DOC2A: variants seen among roughly 807,000 people sequenced by gnomAD.
DOC2A encodes the protein double C2 domain alpha.
Under a neutral mutation model 40.6 loss-of-function variants are expected in DOC2A, and 28 were observed. The observed-to-expected ratio is 0.69, with a 90% CI of 0.51 to 0.95. The LOEUF is 0.95. Among genes scored for constraint, DOC2A ranks in the 40% least tolerant of loss-of-function variants. The pLI is 0.00. For synonymous variants in DOC2A, 241 were observed against 236.9 expected (o/e 1.02, Z -0.16); for missense variants, 474 against 552.5 (o/e 0.86, Z 1.42).
chr16:30,008,906 G>C (rs376413873), intron 5 of DOC2A, 90 bp downstream of exon 5: 1 of 906,992 alleles, frequency 1.1e-6, no homozygotes, highest in South Asian at 1.3e-5. Flanking sequence ...AGAGAGGTAC[G>C]GGCTTAATGG....
chr16:30,017,962 GA>G (rs113271952), intron 1 of DOC2A, among the ~76,000 whole-genome samples: 22,909 of 92,602 alleles, frequency 0.25, 4,183 homozygotes, highest in African/African-American at 0.55. Context: ...TCTGTCTCCG[GA>G]AAAAAAAAAA....
upstream of DOC2A, among the ~76,000 whole-genome samples, chr16:30,016,146 A>G (rs1302469268): frequency 7.9e-6 from 1 of 127,206 alleles, no homozygotes; most frequent in Admixed American, 8.8e-5. Flanking sequence ...TGCAACCTCC[A>G]CCTCCCAGGT....
Position 30,006,360 on chromosome 16 carries a change from C to A in DOC2A, c.1058-29G>T. The stretch of plus-strand genomic sequence containing the variant: ...GGGAGCAGGTGGGCAGGGTCAGGGC[C>A]ACCTCCCTGCCACTTGCCCGCCCTC... On this transcript the variant is annotated intron_variant, in intron 10 of 10. Transcript: ENST00000350119. This position sits in a 1 kb window ranked among gnomAD's most constrained non-coding sequence, Gnocchi z 6.2. The A allele has an allele frequency of 3.1e-6, 5 of 1,612,716 alleles. No individual in the cohort carries two copies. The highest frequency in any genetic ancestry group is 4.2e-6 in the Non-Finnish European group (5 of 1,179,814).
rs778711572 is a variant in DOC2A, at chr16:30,006,224, C to T, written c.1165G>A (p.Glu389Lys). The T allele has an allele frequency of 1.3e-6, 2 of 1,591,476 alleles. No individual in the cohort carries two copies. Among genetic ancestry groups the T allele is most frequent in the South Asian group, 1.1e-5 (1 of 88,500 alleles). ...AGAGCCCCGGCCGCAGGGGGCAGCT[C>T]ACTGGTCAGGGTGTGCCAGCGCTCC... The part of the protein sequence containing the change: ...ALERWHTLTS[E>K]LPPAAGALSS... Residue 389 changes from glutamate (E) to lysine (K), a missense_variant, in exon 11 of 11, where the codon GAG becomes AAG. Coordinates refer to ENST00000350119, the MANE Select transcript of DOC2A (RefSeq NM_003586.3). The surrounding 1 kb of genome is among the most constrained non-coding windows in gnomAD (Gnocchi z 6.2).
chr16:30,010,293 C>A lies in DOC2A; in HGVS notation c.-13-58G>T. On this transcript the variant is annotated intron_variant, in intron 1 of 10. Coordinates refer to ENST00000350119, the MANE Select transcript of DOC2A (RefSeq NM_003586.3). This position sits in a 1 kb window ranked among gnomAD's most constrained non-coding sequence, Gnocchi z 4.2. Reference sequence around the variant, plus strand: ...CATACCTAGCCATCCTGGCTGAGGGCCAGGCGACGGCCTCCTCGGTCTGTG... The same window carrying A: ...CATACCTAGCCATCCTGGCTGAGGGACAGGCGACGGCCTCCTCGGTCTGTG... 1 of 1,602,266 alleles carries A rather than the reference C, an allele frequency of 6.2e-7. No homozygotes were observed. The highest frequency in any genetic ancestry group is 8.5e-7 in the Non-Finnish European group (1 of 1,177,974).
upstream of DOC2A, among the ~76,000 whole-genome samples, chr16:30,014,500 A>G (rs182725832): frequency 3.3e-3 from 493 of 151,498 alleles, 5 homozygotes; most frequent in African/African-American, 0.011. Context: ...CTGGGCGTGG[A>G]GGCGGGCAAC....
In DOC2A at chr16:30,009,118, G is replaced by C. The variant is rs201364446; in HGVS notation, c.418-13C>G. 114 of 1,597,342 alleles carry C rather than the reference G, an allele frequency of 7.1e-5. 1 individual carries two copies. The African/African-American group carries it at 1.2e-3, about 17-fold the overall frequency. On this transcript the variant is annotated splice_polypyrimidine_tract_variant and intron_variant, in intron 4 of 10. Transcript: ENST00000350119. This position sits in a 1 kb window ranked among gnomAD's most constrained non-coding sequence, Gnocchi z 4.1. Reference sequence around the variant, plus strand: ...TTAGCTTATTGGCCTGGGATGTGGGGATGAAAGGTTCTCAATACCTGTCCT... The same window carrying C: ...TTAGCTTATTGGCCTGGGATGTGGGCATGAAAGGTTCTCAATACCTGTCCT...
intron 1 of DOC2A, among the ~76,000 whole-genome samples, chr16:30,020,958 G>T (rs1396959102): frequency 6.6e-6 from 1 of 151,982 alleles, no homozygotes; most frequent in Non-Finnish European, 1.5e-5. Flanking sequence ...GGAGGTCGAG[G>T]CTGCACTCCA....
At chr16:30,015,382 C>T (rs1002467347), upstream of DOC2A, 1 of 152,234 alleles carries the variant, frequency 6.6e-6, no homozygotes, top group Non-Finnish European at 1.5e-5. Flanking sequence ...ATTGCTCGAT[C>T]GCGGCTCACC....
chr16:30,011,976 C>T (rs564019236), upstream of DOC2A, among the ~76,000 whole-genome samples: 25 of 152,128 alleles, frequency 1.6e-4, 1 homozygote, highest in South Asian at 5.0e-3. Context: ...CCAAACCTTG[C>T]CACCCCCAAG....
rs1051175353 is a variant in DOC2A at position 30,007,205 on chromosome 16, GCTT to G, written c.619_621del (p.Lys207del). The G allele has an allele frequency of 9.9e-6, 16 of 1,614,026 alleles. No individual in the cohort carries two copies. Among genetic ancestry groups the G allele is most frequent in the African/African-American group, 2.7e-5 (2 of 75,068 alleles). Reference sequence around the variant, plus strand: ...TGGCGCTCGAGGCAGATGTTAAAATGCTTCTTCTGCGAAGGCTTGAGGCGGCGG... The same window carrying G: ...TGGCGCTCGAGGCAGATGTTAAAATGCTTCTGCGAAGGCTTGAGGCGGCGG... On this transcript the variant is annotated inframe_deletion, in exon 6 of 11. Coordinates refer to ENST00000350119, the MANE Select transcript of DOC2A (RefSeq NM_003586.3).
In DOC2A at chr16:30,008,924, A is replaced by G. The variant is rs187567489; in HGVS notation, c.527+72T>C. ...GAGGTACGGGCTTAATGGGACATAG[A>G]TCAACCAACCAGCGGTTACAATGTC... On this transcript the variant is annotated intron_variant, in intron 5 of 10. Transcript: ENST00000350119. 8.7e-5 allele frequency: 93 copies of G among 1,067,058 alleles called. No individual in the cohort carries two copies. In the African/African-American group the frequency reaches 1.3e-3, roughly 15 times the overall value. The allele number at this position is 1,067,058 out of a possible 1,614,324, so 66.1% of individuals were successfully genotyped here. A position where few individuals can be genotyped will look rare whatever the true frequency, so the allele number is the denominator to read the frequency against.
chr16:30,007,293 G>T lies in DOC2A; in HGVS notation c.534C>A (p.Ala178=), dbSNP rs1462431873. The T allele has an allele frequency of 2.5e-6, 4 of 1,613,700 alleles. No homozygotes were observed. Among genetic ancestry groups the T allele is most frequent in the Non-Finnish European group, 3.4e-6 (4 of 1,180,044 alleles). Reference sequence around the variant, plus strand: ...GACTCAGCTTGTCCTCATCACAGACGGCGATCCTGGTCGGGAACTGCAGTG... The same window carrying T: ...GACTCAGCTTGTCCTCATCACAGACTGCGATCCTGGTCGGGAACTGCAGTG... ...DDITHKVLRI[A]VCDEDKLSHN... The change falls in exon 6 of 11, where the codon GCC becomes GCA. Residue 178 remains alanine, a synonymous_variant. Transcript: ENST00000350119.
Position 30,005,726 on chromosome 16 carries a change from A to G in DOC2A, c.*460T>C. 1.9e-6 allele frequency: 1 copy of G among 515,272 alleles called. No individual in the cohort carries two copies. 31.9% of individuals were successfully genotyped at this position (515,272 alleles called of 1,614,324 possible). A position where few individuals can be genotyped will look rare whatever the true frequency, so the allele number is the denominator to read the frequency against. On this transcript the variant is annotated 3_prime_UTR_variant, in exon 11 of 11. Transcript: ENST00000350119. ...GAGACCCTGCAATGGCCACCTCTTT[A>G]AAAGGGCAGCTGTACAGGGCTAGGT...
upstream of DOC2A, among the ~76,000 whole-genome samples, chr16:30,016,020 AATATATATATATATATATAT>A (rs1161591964): frequency 8.2e-5 from 5 of 61,200 alleles, no homozygotes; most frequent in African/African-American, 1.2e-4. Flanking sequence ...CCAGCACAAT[AATATATATATATATATATAT>A]ATATATATAT....
intron 5 of DOC2A, 116 bp downstream of exon 5, chr16:30,008,880 A>G: frequency 1.3e-6 from 1 of 766,370 alleles, no homozygotes; most frequent in Non-Finnish European, 2.3e-6. Flanking sequence ...GGAGCCGCTG[A>G]TGGTTCTTGA....
upstream of DOC2A, chr16:30,023,146 C>T: frequency 2.0e-6 from 1 of 500,860 alleles, no homozygotes; most frequent in African/African-American, 1.9e-5. Context: ...GGGCTGCCAC[C>T]ATTATGGTTT....
chr16:30,009,147 GC>G lies in DOC2A; in HGVS notation c.418-43del. 1 of 1,596,876 alleles carries G rather than the reference GC, an allele frequency of 6.3e-7. No homozygotes were observed. The highest frequency in any genetic ancestry group is 1.1e-5 in the South Asian group (1 of 90,708). On this transcript the variant is annotated intron_variant, in intron 4 of 10. Transcript: ENST00000350119. This position sits in a 1 kb window ranked among gnomAD's most constrained non-coding sequence, Gnocchi z 4.1. The stretch of plus-strand genomic sequence containing the variant: ...AAAGGTTCTCAATACCTGTCCTCCA[GC>G]CCCACAGGCTGGAGTCATGGGCTGG...
upstream of DOC2A, chr16:30,011,038 G>A (rs758714300): frequency 2.6e-5 from 26 of 985,972 alleles, no homozygotes; most frequent in Admixed American, 9.8e-4. Flanking sequence ...GGGGAGGAGG[G>A]GGTGAGCGAG....
Sources: gnomAD v4.1 joint callset for allele counts (sites outside exome capture counted in the v4.1 genomes callset) on GRCh38, gnomAD v4.1.1 for gene constraint, Gnocchi (gnomAD v3.1) non-coding constraint, MANE v1.5 for transcripts, NCBI Gene and HGNC (gene_info 2026-07-23, HGNC 2026-07-21) for gene names.